RIN2: variants seen among roughly 807,000 people sequenced by gnomAD.
The protein encoded by RIN2 is RAB5 interacting protein 2.
Under a neutral mutation model 78.0 loss-of-function variants are expected in RIN2, and 36 were observed. The observed-to-expected ratio is 0.46, with a 90% confidence interval of 0.35 to 0.61. The LOEUF (loss-of-function observed/expected upper bound fraction) is 0.61. Among genes scored for constraint, RIN2 ranks in the 20% least tolerant of loss-of-function variants. RIN2 has a pLI of 0.00. For synonymous variants in RIN2, 466 were observed against 466.8 expected (o/e 1.00, Z 0.02); for missense variants, 1,087 against 1,159.7 (o/e 0.94, Z 0.91).
intron 5 of RIN2, among the ~76,000 whole-genome samples, chr20:19,958,735 G>T (rs2041637995): frequency 6.6e-6 from 1 of 152,224 alleles, no homozygotes; most frequent in Admixed American, 6.5e-5. Context: ...CAGCCATGGT[G>T]GCACGCACCC....
At position 20,000,985 on chromosome 20, in the gene RIN2, C is replaced by T. The variant is rs1325293108; in HGVS notation, c.*49C>T. 9.3e-6 allele frequency: 14 copies of T among 1,507,278 alleles called. No individual in the cohort carries two copies. The highest frequency in any genetic ancestry group is 1.3e-5 in the Non-Finnish European group (14 of 1,112,566). 93.4% of individuals were successfully genotyped at this position (1,507,278 alleles called of 1,614,324 possible). A position where few individuals can be genotyped will look rare whatever the true frequency, so the allele number is the denominator to read the frequency against. ...GTGCATCCAAAGGGGAGCTGGAAGC[C>T]TTGCCTTCCCGCTTCTACATGCTTG... On this transcript the variant is annotated 3_prime_UTR_variant, in exon 13 of 13. Transcript: ENST00000255006.
chr20:19,845,728 T>C (rs1240198653), intron 2 of RIN2, among the ~76,000 whole-genome samples: 1 of 152,198 alleles, frequency 6.6e-6, no homozygotes, highest in Admixed American at 6.5e-5. Context: ...GCTCTTTAGT[T>C]TAATTAGATC....
intron 2 of RIN2, among the ~76,000 whole-genome samples, chr20:19,827,480 C>G (rs548662941): frequency 7.2e-5 from 11 of 152,284 alleles, no homozygotes; most frequent in Non-Finnish European, 1.6e-4. Flanking sequence ...AAGTCTACTG[C>G]CTTCTCTGTT....
chr20:19,870,364 A>T (rs2037652879), intron 2 of RIN2, among the ~76,000 whole-genome samples: 1 of 152,146 alleles, frequency 6.6e-6, no homozygotes, highest in South Asian at 2.1e-4. Context: ...GTGATTCCTC[A>T]GGCTAGGTGT....
At chr20:19,929,417 A>G (rs1305123960) in intron 3 of RIN2, among the ~76,000 whole-genome samples, 3 of 152,142 alleles carry the variant, frequency 2.0e-5, no homozygotes, top group Admixed American at 6.5e-5. Flanking sequence ...GCTGGAGTGC[A>G]GTGGCTCAAT....
chr20:19,962,204 C>T (rs2041779267), intron 6 of RIN2, among the ~76,000 whole-genome samples: 1 of 151,510 alleles, frequency 6.6e-6, no homozygotes, highest in African/African-American at 2.4e-5. Flanking sequence ...ACTAAGGAGG[C>T]TGAGGTGGGA....
intron 3 of RIN2, among the ~76,000 whole-genome samples, chr20:19,919,977 G>T (rs937597316): frequency 6.6e-6 from 1 of 152,128 alleles, no homozygotes; most frequent in African/African-American, 2.4e-5. Flanking sequence ...GCTGCCGAAA[G>T]CCTTAGTGAC....
At chr20:19,965,259 A>T (rs2041899112) in intron 7 of RIN2, among the ~76,000 whole-genome samples, 2 of 152,114 alleles carry the variant, frequency 1.3e-5, no homozygotes, top group Admixed American at 6.6e-5. Context: ...TATCCTTCAT[A>T]TGATTATTTC....
At chr20:19,786,077 T>C (rs1464156912) in intron 1 of RIN2, among the ~76,000 whole-genome samples, 4 of 152,132 alleles carry the variant, frequency 2.6e-5, no homozygotes, top group African/African-American at 4.8e-5. Context: ...GTGGGACAGA[T>C]TGTATTTTTC....
chr20:19,846,895 G>T (rs1482192021), intron 2 of RIN2, among the ~76,000 whole-genome samples: 1 of 152,140 alleles, frequency 6.6e-6, no homozygotes, highest in Admixed American at 6.5e-5. Flanking sequence ...ATGGGCAGGG[G>T]CACCAGTTAC....
At chr20:19,989,128 C>A (rs1202535270) in intron 9 of RIN2, among the ~76,000 whole-genome samples, 2 of 152,106 alleles carry the variant, frequency 1.3e-5, no homozygotes, top group Non-Finnish European at 1.5e-5. Context: ...AACACTGATG[C>A]CTTGTTAGCA....
intron 2 of RIN2, among the ~76,000 whole-genome samples, chr20:19,858,796 C>T (rs749072177): frequency 1.3e-5 from 2 of 152,102 alleles, no homozygotes; most frequent in Non-Finnish European, 2.9e-5. Context: ...TGTCTTCCTA[C>T]AATCAAGGGT....
intron 3 of RIN2, among the ~76,000 whole-genome samples, chr20:19,896,532 A>C (rs1180243740): frequency 1.3e-5 from 2 of 152,168 alleles, no homozygotes; most frequent in African/African-American, 2.4e-5. Flanking sequence ...CTGTGAGTAG[A>C]CGGAACATCA....
chr20:19,942,590 G>A (rs887606103), intron 4 of RIN2, among the ~76,000 whole-genome samples: 2 of 152,148 alleles, frequency 1.3e-5, no homozygotes, highest in Non-Finnish European at 2.9e-5. Context: ...TTGTTTGTTG[G>A]GTTGGCTGAT....
chr20:19,981,522 T>C (rs915345587), intron 9 of RIN2, among the ~76,000 whole-genome samples: 1 of 152,210 alleles, frequency 6.6e-6, no homozygotes, highest in Non-Finnish European at 1.5e-5. Context: ...TATTTGGAAT[T>C]CTTCCATAAG....
At chr20:19,867,733 A>G (rs1229587937) in intron 2 of RIN2, among the ~76,000 whole-genome samples, 1 of 152,200 alleles carries the variant, frequency 6.6e-6, no homozygotes, top group Non-Finnish European at 1.5e-5. Flanking sequence ...TGGTGACACC[A>G]GCTCCAATAG....
chr20:19,879,931 G>A (rs570104457), intron 2 of RIN2, among the ~76,000 whole-genome samples: 61 of 152,188 alleles, frequency 4.0e-4, no homozygotes, highest in Non-Finnish European at 3.1e-4. Context: ...CATTTCTTTG[G>A]TATTTCAAAG....
chr20:19,956,862 T>A, intron 5 of RIN2, 55 bp downstream of exon 5: 1 of 1,415,572 alleles, frequency 7.1e-7, no homozygotes, highest in Non-Finnish European at 9.4e-7. Flanking sequence ...GCTGCCGGCT[T>A]AAAGAAAAAC....
At chr20:19,851,944 C>T (rs367841029) in intron 2 of RIN2, among the ~76,000 whole-genome samples, 27 of 152,126 alleles carry the variant, frequency 1.8e-4, no homozygotes, top group African/African-American at 6.3e-4. Context: ...GCTGGGCAGG[C>T]TGGGCTCATC....
Sources: allele counts gnomAD v4.1 joint callset (sites outside exome capture counted in the v4.1 genomes callset), GRCh38; gene constraint gnomAD v4.1.1; transcripts MANE v1.5; gene names NCBI Gene and HGNC (gene_info 2026-07-23, HGNC 2026-07-21).